TBCK: variants seen among roughly 807,000 people sequenced by gnomAD.
The protein encoded by TBCK is TBC domain-containing protein kinase-like protein.
Under a neutral mutation model 113.4 loss-of-function variants are expected in TBCK, and 99 were observed. The ratio of observed to expected loss-of-function variants is 0.87; its 90% CI spans 0.74 to 1.03. TBCK has a LOEUF of 1.03. Ranked by LOEUF, TBCK falls within the 50% of genes least tolerant of loss-of-function variation. The pLI, the probability that TBCK is intolerant of heterozygous loss-of-function variation, is 0.00. For missense variants in TBCK, 1,045 were observed against 1,061.3 expected (o/e 0.98, Z 0.21); for synonymous variants, 369 against 370.8 (o/e 1.00, Z 0.05).
At chr4:106,186,251 T>C (rs1753010414) in intron 22 of TBCK, among the ~76,000 whole-genome samples, 1 of 152,220 alleles carries the variant, frequency 6.6e-6, no homozygotes, top group Non-Finnish European at 1.5e-5. Context: ...ATATGCCTAG[T>C]AATGGGATTG....
Position 106,200,665 on chromosome 4 carries a change from A to G in TBCK, c.1861-5911T>C, listed in dbSNP as rs1464007311. 2.6e-5 allele frequency among the ~76,000 whole-genome samples: 4 copies of G among 151,888 alleles called. No individual in the cohort carries two copies. In the South Asian group the frequency reaches 6.2e-4, roughly 24 times the overall value. On this transcript the variant is annotated intron_variant, in intron 20 of 25. Transcript: ENST00000394708. Reference sequence around the variant, plus strand: ...ACCATATAATATATTTATCTTCATTATTGTCTATTTACTCTAGAATATGAG... The same window carrying G: ...ACCATATAATATATTTATCTTCATTGTTGTCTATTTACTCTAGAATATGAG...
intron 25 of TBCK, among the ~76,000 whole-genome samples, chr4:106,056,857 T>C (rs1735479771): frequency 6.6e-6 from 1 of 151,762 alleles, no homozygotes; most frequent in Admixed American, 6.6e-5. Flanking sequence ...AAATTTCTTT[T>C]TGGAAGTTAC....
At chr4:106,077,863 T>C (rs1229800493) in intron 25 of TBCK, among the ~76,000 whole-genome samples, 1 of 152,208 alleles carries the variant, frequency 6.6e-6, no homozygotes, top group Non-Finnish European at 1.5e-5. Flanking sequence ...TCTTCTCATC[T>C]GCACATGGCA....
intron 3 of TBCK, among the ~76,000 whole-genome samples, chr4:106,284,927 A>C (rs1473477920): frequency 6.6e-6 from 1 of 152,186 alleles, no homozygotes; most frequent in African/African-American, 2.4e-5. Context: ...CATTAGGTAG[A>C]TTAATAGGCA....
chr4:106,260,595 C>T (rs1044834442), intron 4 of TBCK, 85 bp from the exon 5 acceptor site: 4 of 436,870 alleles, frequency 9.2e-6, no homozygotes, highest in South Asian at 7.3e-5. Flanking sequence ...TATCATTATA[C>T]ATTTTATAAC....
intron 23 of TBCK, among the ~76,000 whole-genome samples, chr4:106,117,555 T>C (rs772340564): frequency 1.3e-5 from 2 of 152,170 alleles, no homozygotes; most frequent in Non-Finnish European, 2.9e-5. Flanking sequence ...ATAAAAATGA[T>C]TCAGACTAAG....
At chr4:106,202,890 A>AT (rs1026905882) in intron 20 of TBCK, among the ~76,000 whole-genome samples, 2 of 152,094 alleles carry the variant, frequency 1.3e-5, no homozygotes, top group Non-Finnish European at 2.9e-5. Flanking sequence ...GTAATATTTG[A>AT]TTTTTTATGA....
intron 25 of TBCK, among the ~76,000 whole-genome samples, chr4:106,048,349 T>A (rs1734441830): frequency 6.6e-6 from 1 of 152,090 alleles, no homozygotes; most frequent in Non-Finnish European, 1.5e-5. Context: ...TCCACAGAGA[T>A]TCAAACGGCT....
At chr4:106,202,489 TTTG>T (rs551705325) in intron 20 of TBCK, among the ~76,000 whole-genome samples, 37 of 152,148 alleles carry the variant, frequency 2.4e-4, no homozygotes, top group Non-Finnish European at 3.7e-4. Context: ...TTATAGATTT[TTTG>T]TTGTTTTTTT....
At position 106,219,650 on chromosome 4, in the gene TBCK, A is replaced by G. The variant is rs957058627; in HGVS notation, c.1775-6815T>C. 5.3e-5 allele frequency among the ~76,000 whole-genome samples: 8 copies of G among 152,164 alleles called. No homozygotes were observed. The East Asian group carries it at 1.4e-3, about 26-fold the overall frequency. Reference sequence around the variant, plus strand: ...ACAATCTACTCAAGGGCAAGTAACTATTATATTTTTACTAATTAAAAAACC... The same window carrying G: ...ACAATCTACTCAAGGGCAAGTAACTGTTATATTTTTACTAATTAAAAAACC... On this transcript the variant is annotated intron_variant, in intron 19 of 25. Coordinates refer to ENST00000394708, the MANE Select transcript of TBCK (RefSeq NM_001163435.3).
intron 19 of TBCK, among the ~76,000 whole-genome samples, chr4:106,214,048 G>C (rs1756530644): frequency 6.6e-6 from 1 of 152,158 alleles, no homozygotes; most frequent in East Asian, 1.9e-4. Flanking sequence ...CCCCTCAAGT[G>C]GGTCCCTGAC....
intron 25 of TBCK, among the ~76,000 whole-genome samples, chr4:106,086,132 CA>C (rs144630669): frequency 0.13 from 19,487 of 151,510 alleles, 1,560 homozygotes; most frequent in South Asian, 0.24. Flanking sequence ...AAAAACCCTC[CA>C]AAAAAATCAA....
At chr4:106,235,859 C>T (rs1759400519) in intron 14 of TBCK, among the ~76,000 whole-genome samples, 1 of 151,968 alleles carries the variant, frequency 6.6e-6, no homozygotes, top group Non-Finnish European at 1.5e-5. Context: ...AGGACAAAGG[C>T]AACAGATGTT....
intron 3 of TBCK, among the ~76,000 whole-genome samples, chr4:106,263,290 C>A (rs1246243748): frequency 1.3e-5 from 2 of 151,514 alleles, no homozygotes; most frequent in African/African-American, 4.8e-5. Flanking sequence ...ATTCAATCCA[C>A]AAACAGGCAG....
chr4:106,170,812 C>T (rs1039932027), intron 23 of TBCK, among the ~76,000 whole-genome samples: 1 of 151,942 alleles, frequency 6.6e-6, no homozygotes, highest in Non-Finnish European at 1.5e-5. Context: ...TCTGTAATCT[C>T]TCACTATATA....
intron 3 of TBCK, among the ~76,000 whole-genome samples, chr4:106,283,321 C>T (rs938006954): frequency 6.6e-6 from 1 of 152,020 alleles, no homozygotes; most frequent in African/African-American, 2.4e-5. Flanking sequence ...CAATTCCTTC[C>T]TTAATTCTAT....
At chr4:106,173,893 A>AT (rs1322328537) in intron 22 of TBCK, among the ~76,000 whole-genome samples, 1 of 151,018 alleles carries the variant, frequency 6.6e-6, no homozygotes, top group Non-Finnish European at 1.5e-5. Context: ...GAGACAATGC[A>AT]TTGTGAATAA....
At chr4:106,295,615 A>G (rs1341329892) in intron 2 of TBCK, among the ~76,000 whole-genome samples, 2 of 152,200 alleles carry the variant, frequency 1.3e-5, no homozygotes, top group Non-Finnish European at 2.9e-5. Context: ...AGTAGAAATG[A>G]TCTGAATCAT....
At chr4:106,303,490 G>A (rs1245444336) in intron 2 of TBCK, among the ~76,000 whole-genome samples, 1 of 152,038 alleles carries the variant, frequency 6.6e-6, no homozygotes, top group Non-Finnish European at 1.5e-5. Context: ...GCCTACTGAA[G>A]CTGCAATTTT....
Sources: gnomAD v4.1 joint callset for allele counts (sites outside exome capture counted in the v4.1 genomes callset) on GRCh38, gnomAD v4.1.1 for gene constraint, MANE v1.5 for transcripts, NCBI Gene and HGNC (gene_info 2026-07-23, HGNC 2026-07-21) for gene names.